The following MTMR3 variants were observed in gnomAD, a reference collection of about 807,000 sequenced individuals.
MTMR3 encodes the protein phosphatidylinositol-3,5-bisphosphate 3-phosphatase MTMR3.
Under a neutral mutation model 132.4 loss-of-function variants are expected in MTMR3, and 32 were observed. The observed-to-expected ratio is 0.24, with a 90% CI of 0.18 to 0.32. The LOEUF (loss-of-function observed/expected upper bound fraction) is 0.32. MTMR3 is among the 10% of genes least tolerant of loss of function. The pLI is 1.00. For missense variants in MTMR3, 1,216 were observed against 1,489.6 expected, an observed-to-expected ratio of 0.82 and a Z score of 3.02; for synonymous variants, 556 against 550.3, an observed-to-expected ratio of 1.01 and a Z score of -0.14.
intron 16 of MTMR3, chr22:30,019,269 G>C (rs1221212452): frequency 3.5e-6 from 2 of 572,952 alleles, no homozygotes; most frequent in Non-Finnish European, 6.2e-6. Context: ...CATGGGGTTG[G>C]GGGAGTTTGA....
At chr22:29,890,254 T>C (rs1463995878) in intron 1 of MTMR3, among the ~76,000 whole-genome samples, 1 of 151,870 alleles carries the variant, frequency 6.6e-6, no homozygotes, top group Non-Finnish European at 1.5e-5. Context: ...TGGTGGCTCA[T>C]GCATGTAATC....
At chr22:29,993,621 A>G (rs1162428072) in intron 7 of MTMR3, 2 of 152,274 alleles carry the variant, frequency 1.3e-5, no homozygotes, top group Non-Finnish European at 2.9e-5. Flanking sequence ...TCTCACAACC[A>G]CAGACTGAAA....
intron 1 of MTMR3, among the ~76,000 whole-genome samples, chr22:29,927,115 G>C (rs1208538843): frequency 6.6e-6 from 1 of 152,122 alleles, no homozygotes; most frequent in African/African-American, 2.4e-5. Flanking sequence ...AGTTGTTCTA[G>C]CATCTTTGTT....
chr22:29,905,674 G>A (rs2065080299), intron 1 of MTMR3, among the ~76,000 whole-genome samples: 1 of 152,160 alleles, frequency 6.6e-6, no homozygotes, highest in Non-Finnish European at 1.5e-5. Flanking sequence ...ACTTGTTGGG[G>A]AATATCTTGC....
intron 1 of MTMR3, among the ~76,000 whole-genome samples, chr22:29,886,025 G>A (rs1348915658): frequency 1.3e-5 from 2 of 152,170 alleles, no homozygotes; most frequent in Non-Finnish European, 2.9e-5. Context: ...AAGAGCCAGA[G>A]GCCTTGTCTG....
intron 7 of MTMR3, chr22:29,993,630 A>G (rs1193751650): frequency 1.3e-5 from 2 of 152,232 alleles, no homozygotes; most frequent in African/African-American, 4.8e-5. Flanking sequence ...CACAGACTGA[A>G]AAGTCCTTAT....
chr22:29,933,568 T>C (rs1397339065), intron 1 of MTMR3, among the ~76,000 whole-genome samples: 1 of 152,170 alleles, frequency 6.6e-6, no homozygotes, highest in Non-Finnish European at 1.5e-5. Flanking sequence ...TGCATCTTGC[T>C]GGCTTCATTT....
chr22:29,970,429 G>A (rs1490297985), intron 2 of MTMR3, among the ~76,000 whole-genome samples: 1 of 150,864 alleles, frequency 6.6e-6, no homozygotes, highest in Admixed American at 6.6e-5. Context: ...AACCTTCCAG[G>A]CTCAGTTGAT....
At chr22:29,951,063 A>G (rs747598270) in intron 1 of MTMR3, among the ~76,000 whole-genome samples, 2 of 151,984 alleles carry the variant, frequency 1.3e-5, no homozygotes, top group Non-Finnish European at 2.9e-5. Flanking sequence ...AGGCAGGAGA[A>G]TTGCTTGAAC....
rs900996475 is a variant in MTMR3, at chr22:30,012,355, C to T, written c.1122-13C>T. On this transcript the variant is annotated splice_polypyrimidine_tract_variant and intron_variant, in intron 12 of 19. Transcript: ENST00000401950. The stretch of plus-strand genomic sequence containing the variant: ...AAAAATCAGCATTTTCTAATCCTCT[C>T]CTGTTTTTATAGTTGGCTATCAGCT... 3.7e-6 allele frequency: 6 copies of T among 1,609,660 alleles called. No individual in the cohort carries two copies. Among genetic ancestry groups the T allele is most frequent in the East Asian group, 2.2e-5 (1 of 44,782 alleles).
At chr22:30,007,403 T>C in intron 10 of MTMR3, 84 bp downstream of exon 10, 1 of 1,312,166 alleles carries the variant, frequency 7.6e-7, no homozygotes. Flanking sequence ...TTACAAGACA[T>C]AGATTTACTT....
At chr22:29,927,464 T>C (rs544561728) in intron 1 of MTMR3, among the ~76,000 whole-genome samples, 1 of 152,386 alleles carries the variant, frequency 6.6e-6, no homozygotes, top group East Asian at 1.9e-4. Context: ...AGGTTATCTT[T>C]AGATCAGTGA....
intron 1 of MTMR3, among the ~76,000 whole-genome samples, chr22:29,935,982 G>A (rs2065743058): frequency 6.6e-6 from 1 of 151,442 alleles, no homozygotes; most frequent in African/African-American, 2.4e-5. Context: ...TGGATCTCCT[G>A]ACCTCATGAT....
intron 7 of MTMR3, chr22:29,996,737 C>G (rs867205328): frequency 2.0e-5 from 3 of 151,820 alleles, no homozygotes; most frequent in African/African-American, 7.3e-5. Context: ...TTTTTTTCCC[C>G]TTTTTTTGAG....
At chr22:29,968,929 A>G (rs1474878436) in intron 2 of MTMR3, among the ~76,000 whole-genome samples, 1 of 152,120 alleles carries the variant, frequency 6.6e-6, no homozygotes, top group African/African-American at 2.4e-5. Flanking sequence ...GTTCTTCCTC[A>G]TCCTTCCAGC....
At chr22:29,959,921 G>A (rs746667783) in intron 2 of MTMR3, among the ~76,000 whole-genome samples, 45 of 151,726 alleles carry the variant, frequency 3.0e-4, no homozygotes, top group Non-Finnish European at 5.6e-4. Context: ...ACCTTGCTAG[G>A]CTAATTTGTT....
intron 1 of MTMR3, among the ~76,000 whole-genome samples, chr22:29,943,110 A>G (rs912679807): frequency 3.3e-5 from 5 of 152,182 alleles, no homozygotes; most frequent in Admixed American, 6.6e-5. Context: ...TGAAATCTTC[A>G]CAATTTATGT....
intron 2 of MTMR3, among the ~76,000 whole-genome samples, chr22:29,969,508 G>A (rs562061769): frequency 1.4e-4 from 21 of 151,728 alleles, no homozygotes; most frequent in Admixed American, 7.2e-4. Context: ...CTACCCAACA[G>A]CCAAAATGAT....
chr22:29,891,210 G>A (rs572558822), intron 1 of MTMR3, among the ~76,000 whole-genome samples: 2 of 151,528 alleles, frequency 1.3e-5, no homozygotes, highest in South Asian at 2.1e-4. Context: ...TATAAAATAC[G>A]AACAAAAAAT....
Sources: gnomAD v4.1 joint callset for allele counts (sites outside exome capture counted in the v4.1 genomes callset) on GRCh38, gnomAD v4.1.1 for gene constraint, MANE v1.5 for transcripts, NCBI Gene and HGNC (gene_info 2026-07-23, HGNC 2026-07-21) for gene names.